PCDHA10: variants seen among roughly 807,000 people sequenced by gnomAD.
The protein encoded by PCDHA10 is protocadherin alpha 10, also known as protocadherin alpha-10.
PCDHA10 carries 45 observed loss-of-function variants against 61.2 expected under a neutral mutation model. The ratio of observed to expected loss-of-function variants is 0.74; its 90% CI spans 0.58 to 0.94. PCDHA10 has a LOEUF of 0.94. Among genes scored for constraint, PCDHA10 ranks in the 40% least tolerant of loss-of-function variants. The pLI, the probability that PCDHA10 is intolerant of heterozygous loss-of-function variation, is 0.00. For synonymous variants in PCDHA10, 602 were observed against 548.8 expected, an observed-to-expected ratio of 1.10 and a Z score of -1.35; for missense variants, 1,278 against 1,236.2, an observed-to-expected ratio of 1.03 and a Z score of -0.51.
intron 1 of PCDHA10, chr5:140,875,520 C>T: frequency 1.2e-6 from 2 of 1,614,004 alleles, no homozygotes; most frequent in Non-Finnish European, 1.7e-6. Flanking sequence ...GTCTGCTGCT[C>T]TCGCTTCTGC....
chr5:140,863,224 G>A, intron 1 of PCDHA10: 2 of 1,143,744 alleles, frequency 1.7e-6, no homozygotes, highest in Non-Finnish European at 2.5e-6. Context: ...AGCGAGGAAG[G>A]TCCCATCGCG....
chr5:140,957,983 AG>A (rs1554223250), intron 1 of PCDHA10, among the ~76,000 whole-genome samples: 1 of 152,154 alleles, frequency 6.6e-6, no homozygotes, highest in Non-Finnish European at 1.5e-5. Flanking sequence ...AAATAGAATC[AG>A]TGCCAGATTT....
chr5:141,009,771 T>C lies in PCDHA10; in HGVS notation c.2681T>C (p.Ile894Thr), dbSNP rs142720081. 3.1e-5 allele frequency: 50 copies of C among 1,613,964 alleles called. No homozygotes were observed. The highest frequency in any genetic ancestry group is 1.6e-4 in the Middle Eastern group (1 of 6,084). Residue 894 changes from isoleucine (I) to threonine (T), a missense_variant, in exon 4 of 4, where the codon ATC (isoleucine) becomes ACC (threonine). Transcript: ENST00000307360. ...DKFIIPGSPA[I>T]ISIRQEPTNS... ...TTCATTATCCCAGGATCTCCTGCAA[T>C]CATCTCCATCCGGCAGGAGCCTACT...
At chr5:140,870,876 GA>G (rs34601225) in intron 1 of PCDHA10, 1 of 1,613,958 alleles carries the variant, frequency 6.2e-7, no homozygotes, top group Non-Finnish European at 8.5e-7. Flanking sequence ...ACGTGGTGGC[GA>G]AGGTGCGCGC....
At chr5:140,923,966 C>T (rs1422839186) in intron 1 of PCDHA10, among the ~76,000 whole-genome samples, 3 of 152,188 alleles carry the variant, frequency 2.0e-5, no homozygotes, top group Non-Finnish European at 4.4e-5. Flanking sequence ...AATCTATACC[C>T]ACACATACTA....
intron 1 of PCDHA10, among the ~76,000 whole-genome samples, chr5:140,899,982 A>AT (rs1290251020): frequency 2.0e-5 from 3 of 150,600 alleles, no homozygotes; most frequent in African/African-American, 4.9e-5. Context: ...TACTTTTTTG[A>AT]TTTTTTTTGT....
At chr5:140,927,652 C>T (rs868980158) in intron 1 of PCDHA10, 28 of 1,614,054 alleles carry the variant, frequency 1.7e-5, no homozygotes, top group African/African-American at 9.3e-5. Flanking sequence ...TGTGTTATTC[C>T]GAGTTCAAGC....
intron 1 of PCDHA10, among the ~76,000 whole-genome samples, chr5:140,910,535 T>G (rs2153515129): frequency 6.6e-6 from 1 of 152,274 alleles, no homozygotes; most frequent in African/African-American, 2.4e-5. Flanking sequence ...CCCTCACAAA[T>G]CTATTTTGCA....
At chr5:141,000,414 TATATA>T (rs1398508145) in intron 3 of PCDHA10, among the ~76,000 whole-genome samples, 89 of 99,526 alleles carry the variant, frequency 8.9e-4, no homozygotes, top group African/African-American at 1.6e-3. Context: ...TATATATATA[TATATA>T]TATTTTTTTT....
intron 1 of PCDHA10, among the ~76,000 whole-genome samples, chr5:140,898,010 T>A (rs2066467224): frequency 6.6e-6 from 1 of 152,240 alleles, no homozygotes; most frequent in African/African-American, 2.4e-5. Context: ...TCTGTTCATA[T>A]CCTTTGCCCA....
intron 1 of PCDHA10, among the ~76,000 whole-genome samples, chr5:140,949,420 G>A (rs1219049825): frequency 6.6e-6 from 1 of 151,726 alleles, no homozygotes; most frequent in African/African-American, 2.4e-5. Context: ...TCATCATTGT[G>A]TTTATCTCTT....
chr5:140,985,504 A>G (rs1368014181), intron 3 of PCDHA10, among the ~76,000 whole-genome samples: 2 of 152,170 alleles, frequency 1.3e-5, no homozygotes, highest in Non-Finnish European at 2.9e-5. Context: ...CCTGCCTTTC[A>G]TTGATTCTGT....
At chr5:140,966,680 A>AGCG in intron 1 of PCDHA10, 1 of 1,317,158 alleles carries the variant, frequency 7.6e-7, no homozygotes, top group Non-Finnish European at 9.8e-7. Flanking sequence ...GGGTGGCACG[A>AGCG]GCGGAGGCGG....
At chr5:140,872,550 C>T (rs1319043831) in intron 1 of PCDHA10, among the ~76,000 whole-genome samples, 1 of 152,046 alleles carries the variant, frequency 6.6e-6, no homozygotes, top group African/African-American at 2.4e-5. Context: ...TCCCCTGAAC[C>T]CAGGGGTTCA....
chr5:140,989,563 C>A (rs1399360475), intron 3 of PCDHA10, among the ~76,000 whole-genome samples: 1 of 152,118 alleles, frequency 6.6e-6, no homozygotes, highest in Non-Finnish European at 1.5e-5. Flanking sequence ...TTTTGTGGCT[C>A]CGGCAAGCCC....
intron 1 of PCDHA10, among the ~76,000 whole-genome samples, chr5:140,899,419 A>G (rs1583341890): frequency 6.6e-6 from 1 of 152,318 alleles, no homozygotes; most frequent in Non-Finnish European, 1.5e-5. Flanking sequence ...GAATTTTGTC[A>G]AAGGTCTTTT....
At chr5:140,923,275 C>CA (rs1328074482) in intron 1 of PCDHA10, among the ~76,000 whole-genome samples, 5 of 152,128 alleles carry the variant, frequency 3.3e-5, no homozygotes, top group African/African-American at 9.7e-5. Flanking sequence ...CTTGTCTCTA[C>CA]AAAAAATTAA....
intron 1 of PCDHA10, among the ~76,000 whole-genome samples, chr5:140,959,109 G>A (rs1401809702): frequency 1.3e-5 from 2 of 152,040 alleles, no homozygotes; most frequent in African/African-American, 4.8e-5. Context: ...GCAGGGGTCC[G>A]AAGGTGGGCG....
At chr5:140,890,276 TC>T (rs1173106367) in intron 1 of PCDHA10, among the ~76,000 whole-genome samples, 2 of 152,136 alleles carry the variant, frequency 1.3e-5, no homozygotes, top group Non-Finnish European at 2.9e-5. Context: ...CAAGAACCAC[TC>T]AGTTGAGTCA....
Sources: allele counts gnomAD v4.1 joint callset (sites outside exome capture counted in the v4.1 genomes callset), GRCh38; gene constraint gnomAD v4.1.1; transcripts MANE v1.5; gene names NCBI Gene and HGNC (gene_info 2026-07-23, HGNC 2026-07-21).